LAMA4: variants seen among roughly 807,000 people sequenced by gnomAD.
LAMA4 encodes laminin subunit alpha 4, also known as laminin subunit alpha-4.
In LAMA4, 127 loss-of-function variants were observed where a neutral mutation model predicts 207.1. The observed-to-expected ratio is 0.61, with a 90% CI of 0.53 to 0.71. The LOEUF is 0.71. LAMA4 is among the 30% of genes least tolerant of loss of function. LAMA4 has a pLI of 0.00. For missense variants in LAMA4, 2,093 were observed against 2,246.5 expected (o/e 0.93, Z 1.38); for synonymous variants, 761 against 816.0 (o/e 0.93, Z 1.15).
At chr6:112,205,327 C>T (rs558825859) in intron 4 of LAMA4, among the ~76,000 whole-genome samples, 36 of 152,276 alleles carry the variant, frequency 2.4e-4, no homozygotes, top group Admixed American at 9.2e-4. Flanking sequence ...CCTCACAACT[C>T]TATGATGCAG....
At chr6:112,129,732 C>T in intron 30 of LAMA4, 144 bp downstream of exon 30, 1 of 686,870 alleles carries the variant, frequency 1.5e-6, no homozygotes, top group Non-Finnish European at 2.4e-6. Context: ...CCAAGTATGA[C>T]AGTTTCTCAA....
intron 9 of LAMA4, among the ~76,000 whole-genome samples, chr6:112,183,715 C>G (rs897198994): frequency 2.6e-5 from 4 of 151,984 alleles, no homozygotes; most frequent in Non-Finnish European, 1.5e-5. Flanking sequence ...CTTTGGGAGG[C>G]TGAGGTGAGC....
intron 2 of LAMA4, among the ~76,000 whole-genome samples, chr6:112,228,974 C>T (rs915572941): frequency 6.6e-6 from 1 of 152,126 alleles, no homozygotes; most frequent in African/African-American, 2.4e-5. Context: ...AGTGGTCCAG[C>T]AGATGTGCGA....
intron 25 of LAMA4, chr6:112,135,839 A>C: frequency 2.6e-6 from 1 of 378,238 alleles, no homozygotes; most frequent in East Asian, 6.6e-5. Context: ...AGGAATACCA[A>C]TTGAGATATT....
At chr6:112,160,523 G>C (rs1780992308) in intron 13 of LAMA4, among the ~76,000 whole-genome samples, 1 of 152,134 alleles carries the variant, frequency 6.6e-6, no homozygotes, top group South Asian at 2.1e-4. Flanking sequence ...CTTTGACACA[G>C]TGCACTTTAC....
intron 5 of LAMA4, among the ~76,000 whole-genome samples, chr6:112,200,969 C>T (rs1188142352): frequency 3.3e-5 from 5 of 150,698 alleles, no homozygotes; most frequent in Non-Finnish European, 7.4e-5. Context: ...CACCATGGCA[C>T]GTGTATACCT....
intron 3 of LAMA4, among the ~76,000 whole-genome samples, chr6:112,212,738 C>A (rs1784421022): frequency 1.3e-5 from 2 of 152,160 alleles, no homozygotes; most frequent in South Asian, 4.1e-4. Context: ...AAGGATTATG[C>A]ACTTGATCTA....
At chr6:112,109,644 C>T (rs782696738) in intron 38 of LAMA4, 62 bp from the exon 39 acceptor site, 34 of 1,525,220 alleles carry the variant, frequency 2.2e-5, no homozygotes, top group Non-Finnish European at 3.0e-5. Context: ...CCAAATATTA[C>T]TTCCTGGTAA....
chr6:112,160,074 T>C (rs1780959846), intron 13 of LAMA4, among the ~76,000 whole-genome samples: 1 of 152,222 alleles, frequency 6.6e-6, no homozygotes, highest in African/African-American at 2.4e-5. Context: ...GCTGCTTAGC[T>C]GCTTCAGAAA....
At chr6:112,197,949 T>A (rs1460763089) in intron 5 of LAMA4, among the ~76,000 whole-genome samples, 1 of 152,222 alleles carries the variant, frequency 6.6e-6, no homozygotes, top group Non-Finnish European at 1.5e-5. Context: ...AATGTTTTCC[T>A]TAAAGTTATT....
intron 5 of LAMA4, chr6:112,200,011 A>G (rs1171513646): frequency 6.3e-6 from 3 of 475,382 alleles, no homozygotes; most frequent in African/African-American, 4.0e-5. Flanking sequence ...TGGTGAGGCC[A>G]ATGCTAATGG....
chr6:112,132,738 AAAAC>A lies in LAMA4; in HGVS notation c.3834+11_3834+14del, dbSNP rs1779110442. The A allele has an allele frequency of 1.9e-6, 3 of 1,611,452 alleles. No homozygotes were observed. Among genetic ancestry groups the A allele is most frequent in the Non-Finnish European group, 2.5e-6 (3 of 1,178,306 alleles). Reference sequence around the variant, plus strand: ...TATCACAAAGAAGTTTCCTCAGAGAAAAACAAACACTTACCCCTGAAGCATAATA... The same window carrying A: ...TATCACAAAGAAGTTTCCTCAGAGAAAAACACTTACCCCTGAAGCATAATA... On this transcript the variant is annotated intron_variant, in intron 28 of 38. Coordinates refer to ENST00000230538, the MANE Select transcript of LAMA4 (RefSeq NM_001105206.3).
chr6:112,175,642 C>T (rs1363880864), intron 10 of LAMA4, among the ~76,000 whole-genome samples, 162 bp from the exon 11 acceptor site: 5 of 152,186 alleles, frequency 3.3e-5, no homozygotes, highest in East Asian at 3.8e-4. Flanking sequence ...TGAATCCCAG[C>T]GAGCATGGAA....
intron 2 of LAMA4, among the ~76,000 whole-genome samples, chr6:112,220,162 A>T (rs1583927278): frequency 6.6e-6 from 1 of 152,180 alleles, no homozygotes; most frequent in Admixed American, 6.5e-5. Flanking sequence ...ATTGACTTTT[A>T]AAAATATTTA....
rs587651165 is a variant in LAMA4 at position 112,117,491 on chromosome 6, G to C, written c.4981+248C>G. ...GGAGCAGCATAGACATTCTAAAGGAGCCCAGGTGGTCTTCATCCAGAAGTT... is the reference window on the plus strand; with the variant it reads ...GGAGCAGCATAGACATTCTAAAGGACCCCAGGTGGTCTTCATCCAGAAGTT... On this transcript the variant is annotated intron_variant, in intron 35 of 38. Transcript: ENST00000230538. The surrounding 1 kb of genome is among the most constrained non-coding windows in gnomAD (Gnocchi z 4.5). Among the ~76,000 whole-genome samples the C allele has an allele frequency of 6.6e-6, 1 of 152,240 alleles. No individual in the cohort carries two copies. The highest frequency in any genetic ancestry group is 1.5e-5 in the Non-Finnish European group (1 of 68,010).
intron 2 of LAMA4, among the ~76,000 whole-genome samples, chr6:112,248,123 G>A (rs1787134154): frequency 6.6e-6 from 1 of 152,128 alleles, no homozygotes; most frequent in African/African-American, 2.4e-5. Flanking sequence ...TTCAGTTTGG[G>A]AAAATGAAAA....
chr6:112,168,500 C>T (rs1554340826), intron 12 of LAMA4, among the ~76,000 whole-genome samples: 1 of 151,958 alleles, frequency 6.6e-6, no homozygotes, highest in Non-Finnish European at 1.5e-5. Flanking sequence ...TGCCCACCAC[C>T]ATGCCCAGCT....
At chr6:112,114,963 TAGG>T (rs1777926172) in intron 36 of LAMA4, among the ~76,000 whole-genome samples, 1 of 152,104 alleles carries the variant, frequency 6.6e-6, no homozygotes, top group Non-Finnish European at 1.5e-5. Flanking sequence ...AGTGACTTCA[TAGG>T]GGAGAAAATT....
At chr6:112,163,830 T>C (rs1781229243) in intron 13 of LAMA4, among the ~76,000 whole-genome samples, 1 of 152,116 alleles carries the variant, frequency 6.6e-6, no homozygotes, top group Non-Finnish European at 1.5e-5. Context: ...ACGCTGATGG[T>C]AATGATTAAG....
Sources: allele counts gnomAD v4.1 joint callset (sites outside exome capture counted in the v4.1 genomes callset), GRCh38; gene constraint gnomAD v4.1.1; non-coding constraint Gnocchi (gnomAD v3.1); transcripts MANE v1.5; gene names NCBI Gene and HGNC (gene_info 2026-07-23, HGNC 2026-07-21).